GRM7: variants seen among roughly 807,000 people sequenced by gnomAD.
GRM7 encodes glutamate metabotropic receptor 7.
A neutral mutation model predicts 84.5 loss-of-function variants in GRM7; 35 were observed. The ratio of observed to expected loss-of-function variants is 0.41; its 90% CI spans 0.32 to 0.55. The LOEUF (loss-of-function observed/expected upper bound fraction) is 0.55. GRM7 is among the 20% of genes least tolerant of loss of function. The pLI is 0.19. For synonymous variants in GRM7, 487 were observed against 455.1 expected (o/e 1.07, Z -0.89); for missense variants, 1,003 against 1,194.6 (o/e 0.84, Z 2.36).
At chr3:7,172,381 A>G (rs537214799) in intron 2 of GRM7, among the ~76,000 whole-genome samples, 97 of 152,236 alleles carry the variant, frequency 6.4e-4, no homozygotes, top group African/African-American at 2.3e-3. Context: ...CCATGTATCT[A>G]TGACACTGTG....
chr3:7,411,779 G>C (rs1232155095), intron 4 of GRM7, among the ~76,000 whole-genome samples: 1 of 152,152 alleles, frequency 6.6e-6, no homozygotes, highest in African/African-American at 2.4e-5. Flanking sequence ...GTATATTGTG[G>C]TACATGTGTG....
At position 6,976,006 on chromosome 3, in the gene GRM7, G is replaced by A. The variant is rs78689535; in HGVS notation, c.519+114099G>A. Among the ~76,000 whole-genome samples the A allele has an allele frequency of 3.0e-3, 453 of 152,216 alleles. 2 individuals carry two copies. Among genetic ancestry groups the A allele is most frequent in the African/African-American group, 0.011 (446 of 41,532 alleles). On this transcript the variant is annotated intron_variant, in intron 1 of 9. Transcript: ENST00000357716. ...AGCTAGTTACCAAGATTTTAAGATG[G>A]AGTGATTCTACAATTTGGATTTCTA...
intron 2 of GRM7, among the ~76,000 whole-genome samples, chr3:7,249,478 G>T (rs1697897491): frequency 6.6e-6 from 1 of 152,082 alleles, no homozygotes; most frequent in Admixed American, 6.5e-5. Context: ...TGGAAATGTG[G>T]GTAGGAAATA....
At chr3:7,309,935 T>C (rs1025485438) in intron 4 of GRM7, among the ~76,000 whole-genome samples, 1 of 152,186 alleles carries the variant, frequency 6.6e-6, no homozygotes, top group Non-Finnish European at 1.5e-5. Context: ...TAATTTTTAG[T>C]GTGTCTGCAT....
chr3:6,895,674 T>C (rs564034372), intron 1 of GRM7, among the ~76,000 whole-genome samples: 1 of 152,256 alleles, frequency 6.6e-6, no homozygotes, highest in East Asian at 1.9e-4. Context: ...TTTTAAAAAG[T>C]CCTCCTAATC....
At chr3:7,445,507 C>G (rs1183571542) in intron 5 of GRM7, among the ~76,000 whole-genome samples, 4 of 152,134 alleles carry the variant, frequency 2.6e-5, no homozygotes, top group Non-Finnish European at 5.9e-5. Context: ...GCTGTGACCC[C>G]CTGTGAACCC....
intron 1 of GRM7, among the ~76,000 whole-genome samples, chr3:6,948,698 T>C (rs888757310): frequency 6.6e-6 from 1 of 152,314 alleles, no homozygotes; most frequent in East Asian, 1.9e-4. Flanking sequence ...CTAAGTCTCT[T>C]TGTAGGTCAC....
chr3:7,433,763 T>G (rs886308050), intron 5 of GRM7, among the ~76,000 whole-genome samples: 1 of 152,168 alleles, frequency 6.6e-6, no homozygotes, highest in Non-Finnish European at 1.5e-5. Context: ...ATGTTGAATA[T>G]CTGTAGAAGG....
intron 2 of GRM7, among the ~76,000 whole-genome samples, chr3:7,250,415 A>G (rs530560416): frequency 7.5e-4 from 114 of 151,992 alleles, no homozygotes; most frequent in Admixed American, 1.0e-3. Flanking sequence ...GTGTTGATAA[A>G]TAAGCACTCA....
chr3:7,437,052 C>T (rs1056185528), intron 5 of GRM7, among the ~76,000 whole-genome samples: 1 of 152,160 alleles, frequency 6.6e-6, no homozygotes, highest in Admixed American at 6.5e-5. Flanking sequence ...TATTTCCTTT[C>T]ACACCAACCC....
At chr3:7,291,491 TCTCTCTCTCTCTCTCTCTCTC>T (rs1559557280) in intron 2 of GRM7, among the ~76,000 whole-genome samples, 3 of 294 alleles carry the variant, frequency 0.01, no homozygotes, top group East Asian at 0.094. Context: ...TCATGCCAGC[TCTCTCTCTCTCTCTCTCTCTC>T]TCTCTCTCTC....
chr3:7,438,315 G>T (rs992411497), intron 5 of GRM7, among the ~76,000 whole-genome samples: 4 of 152,032 alleles, frequency 2.6e-5, no homozygotes, highest in African/African-American at 9.7e-5. Context: ...ACTGTGCTAA[G>T]CATTTGGGAA....
chr3:7,085,538 T>C (rs1698426307), intron 1 of GRM7, among the ~76,000 whole-genome samples: 1 of 152,152 alleles, frequency 6.6e-6, no homozygotes, highest in Non-Finnish European at 1.5e-5. Flanking sequence ...AGAGCTTCCA[T>C]ATTGGCAAAC....
At chr3:7,703,872 T>G (rs894777024) in intron 9 of GRM7, among the ~76,000 whole-genome samples, 1 of 152,186 alleles carries the variant, frequency 6.6e-6, no homozygotes, top group African/African-American at 2.4e-5. Flanking sequence ...CAAAATTCAT[T>G]TTCAAAAATG....
chr3:7,464,911 G>A lies in GRM7; in HGVS notation c.1515+3189G>A, dbSNP rs7610285. 2.2e-4 allele frequency among the ~76,000 whole-genome samples: 33 copies of A among 151,838 alleles called. No homozygotes were observed. The East Asian group carries it at 5.7e-3, about 26-fold the overall frequency. Reference sequence around the variant, plus strand: ...CTTGGGAGGCTGAGGCAGGATAATCGCTTGAACCCAGGAGGCGGAGGTTGC... The same window carrying A: ...CTTGGGAGGCTGAGGCAGGATAATCACTTGAACCCAGGAGGCGGAGGTTGC... On this transcript the variant is annotated intron_variant, in intron 7 of 9. Coordinates refer to ENST00000357716, the MANE Select transcript of GRM7 (RefSeq NM_000844.4).
Position 6,951,128 on chromosome 3 carries a change from G to A in GRM7, c.519+89221G>A, listed in dbSNP as rs187741472. Among the ~76,000 whole-genome samples, 14 of 152,294 alleles carry A rather than the reference G, an allele frequency of 9.2e-5. No homozygotes were observed. The East Asian group carries it at 1.9e-3, about 21-fold the overall frequency. The stretch of plus-strand genomic sequence containing the variant: ...AATGCAGAAATCACCCATCTTCTGC[G>A]TCGCTCACACTGGAAGCTGTAGACT... On this transcript the variant is annotated intron_variant, in intron 1 of 9. Coordinates refer to ENST00000357716, the MANE Select transcript of GRM7 (RefSeq NM_000844.4).
At chr3:7,623,811 G>A (rs527778273) in intron 8 of GRM7, among the ~76,000 whole-genome samples, 201 of 152,196 alleles carry the variant, frequency 1.3e-3, no homozygotes, top group Non-Finnish European at 2.6e-3. Flanking sequence ...TAATCCACAA[G>A]TCCCAACAGA....
chr3:7,440,292 C>T (rs940390738), intron 5 of GRM7, among the ~76,000 whole-genome samples: 1 of 152,114 alleles, frequency 6.6e-6, no homozygotes, highest in African/African-American at 2.4e-5. Context: ...ACATCTGGCC[C>T]TTATTTTGGT....
In GRM7 at chr3:7,578,922, C is replaced by G. The variant is rs769050915; in HGVS notation, c.2016C>G (p.Ala672=). The change falls in exon 8 of 10, where the codon GCC becomes GCG. Residue 672 remains alanine, a synonymous_variant. Transcript: ENST00000357716. The stretch of plus-strand genomic sequence containing the variant: ...TGGGTATGTGCATCAGTTATGCAGC[C>G]CTCTTGACGAAAACAAATCGGATTT... ...LGLGMCISYA[A]LLTKTNRIYR... 2 of 1,614,074 alleles carry G rather than the reference C, an allele frequency of 1.2e-6. No homozygotes were observed. Among genetic ancestry groups the G allele is most frequent in the Non-Finnish European group, 1.7e-6 (2 of 1,180,026 alleles).
Sources: allele counts gnomAD v4.1 joint callset (sites outside exome capture counted in the v4.1 genomes callset), GRCh38; gene constraint gnomAD v4.1.1; transcripts MANE v1.5; gene names NCBI Gene and HGNC (gene_info 2026-07-23, HGNC 2026-07-21).